CPE: variants seen among roughly 807,000 people sequenced by gnomAD.
The protein encoded by CPE is carboxypeptidase E.
In CPE, 17 loss-of-function variants were observed where a neutral mutation model predicts 53.5. That is an observed-to-expected ratio of 0.32 (90% CI 0.22 to 0.48). The LOEUF is 0.48. Ranked by LOEUF, CPE falls within the 20% of genes least tolerant of loss-of-function variation. CPE has a pLI of 0.99. For synonymous variants in CPE, 226 were observed against 228.8 expected (o/e 0.99, Z 0.11); for missense variants, 524 against 614.7 (o/e 0.85, Z 1.56).
chr4:165,485,114 C>G (rs907611096), intron 5 of CPE, among the ~76,000 whole-genome samples: 4 of 152,112 alleles, frequency 2.6e-5, no homozygotes, highest in Admixed American at 2.0e-4. Flanking sequence ...GATCAGGTAG[C>G]TTTTTGCCTT....
At chr4:165,468,280 T>A (rs1287153194) in intron 3 of CPE, among the ~76,000 whole-genome samples, 1 of 152,190 alleles carries the variant, frequency 6.6e-6, no homozygotes, top group Non-Finnish European at 1.5e-5. Context: ...TTTTTCCCTG[T>A]TTCTTCTACC....
chr4:165,422,112 T>C (rs1731233706), intron 1 of CPE, among the ~76,000 whole-genome samples: 1 of 152,142 alleles, frequency 6.6e-6, no homozygotes, highest in African/African-American at 2.4e-5. Flanking sequence ...TTAAAAGAAC[T>C]TAAAAATAAA....
intron 1 of CPE, among the ~76,000 whole-genome samples, chr4:165,431,522 A>G (rs1267537001): frequency 6.6e-6 from 1 of 152,190 alleles, no homozygotes; most frequent in Non-Finnish European, 1.5e-5. Context: ...GCAGGTGTGA[A>G]TAGCTCCCTT....
chr4:165,489,277 ATAATCTT>A (rs552682467), intron 6 of CPE, among the ~76,000 whole-genome samples: 118 of 152,298 alleles, frequency 7.7e-4, no homozygotes, highest in African/African-American at 2.6e-3. Flanking sequence ...TAAATATTTA[ATAATCTT>A]TAAATGTTTA....
chr4:165,455,631 A>G (rs1181646479), intron 1 of CPE, among the ~76,000 whole-genome samples: 1 of 151,620 alleles, frequency 6.6e-6, no homozygotes, highest in Non-Finnish European at 1.5e-5. Context: ...CTCACTTAAC[A>G]ATGTTCTTAA....
At chr4:165,417,290 T>A (rs544422829) in intron 1 of CPE, among the ~76,000 whole-genome samples, 115 of 152,298 alleles carry the variant, frequency 7.6e-4, no homozygotes, top group Non-Finnish European at 1.3e-3. Flanking sequence ...TATGAAAATA[T>A]TTGGACTAAG....
At chr4:165,482,463 T>G in intron 4 of CPE, 104 bp downstream of exon 4, 1 of 774,152 alleles carries the variant, frequency 1.3e-6, no homozygotes, top group Non-Finnish European at 2.2e-6. Flanking sequence ...GAACATTAAG[T>G]GATTTTTGCC....
chr4:165,397,918 G>C (rs1730797144), intron 1 of CPE, among the ~76,000 whole-genome samples: 1 of 151,562 alleles, frequency 6.6e-6, no homozygotes, highest in Non-Finnish European at 1.5e-5. Context: ...CAGGCATTGT[G>C]GTACATGCCT....
At chr4:165,428,364 T>G (rs1374265737) in intron 1 of CPE, among the ~76,000 whole-genome samples, 1 of 152,190 alleles carries the variant, frequency 6.6e-6, no homozygotes, top group Non-Finnish European at 1.5e-5. Context: ...TTTCTTAAAC[T>G]CCTTGTCAAG....
At chr4:165,461,184 A>AAAAAAAAAAAAAAAAAAAACAC in intron 1 of CPE, among the ~76,000 whole-genome samples, 1 of 106,788 alleles carries the variant, frequency 9.4e-6, no homozygotes, top group South Asian at 2.6e-4. Context: ...AAAAAAAAAA[A>AAAAAAAAAAAAAAAAAAAACAC]AAAGAAAGAA....
At chr4:165,482,770 T>A (rs1303610971) in intron 4 of CPE, among the ~76,000 whole-genome samples, 1 of 152,182 alleles carries the variant, frequency 6.6e-6, no homozygotes. Context: ...TACATGTGTC[T>A]TATTGTGTTG....
At chr4:165,413,294 A>G (rs9992011) in intron 1 of CPE, among the ~76,000 whole-genome samples, 43,669 of 152,108 alleles carry the variant, frequency 0.29, 6,426 homozygotes, top group Middle Eastern at 0.4. Context: ...CGGGCCTGGA[A>G]ACCATGTGAT....
At chr4:165,408,791 C>T (rs1446522531) in intron 1 of CPE, among the ~76,000 whole-genome samples, 2 of 152,148 alleles carry the variant, frequency 1.3e-5, no homozygotes, top group African/African-American at 2.4e-5. Flanking sequence ...TAATGCACTG[C>T]GATGGTTCCC....
At chr4:165,435,538 AT>A (rs1229798857) in intron 1 of CPE, among the ~76,000 whole-genome samples, 1 of 152,086 alleles carries the variant, frequency 6.6e-6, no homozygotes, top group Non-Finnish European at 1.5e-5. Flanking sequence ...GTAAAATAGA[AT>A]TTTTTCTGTG....
chr4:165,484,752 C>A, intron 5 of CPE, 148 bp downstream of exon 5: 1 of 760,332 alleles, frequency 1.3e-6, no homozygotes, highest in Non-Finnish European at 2.0e-6. Flanking sequence ...CCATTAAAGT[C>A]AACTTTTTGC....
At chr4:165,405,892 T>C (rs2126664614) in intron 1 of CPE, 1 of 735,876 alleles carries the variant, frequency 1.4e-6, no homozygotes, top group East Asian at 2.6e-5. Context: ...TGTTGCTATT[T>C]TATATTGGCA....
At chr4:165,442,933 A>G (rs926427057) in intron 1 of CPE, among the ~76,000 whole-genome samples, 1 of 152,212 alleles carries the variant, frequency 6.6e-6, no homozygotes, top group East Asian at 1.9e-4. Context: ...TTCAGAACCC[A>G]TGATCTAGGA....
Position 165,497,991 on chromosome 4 carries a change from A to G in CPE, c.*381A>G, listed in dbSNP as rs1732733595. On this transcript the variant is annotated 3_prime_UTR_variant, in exon 9 of 9. Coordinates refer to ENST00000402744, the MANE Select transcript of CPE (RefSeq NM_001873.4). ...AATTGGTGACAATGTCACATAATGA[A>G]TGCTATTGAAAAGGTTAACAGATAC... 6.5e-6 allele frequency: 1 copy of G among 153,028 alleles called. No homozygotes were observed. 9.5% of individuals were successfully genotyped at this position (153,028 alleles called of 1,614,324 possible).
At chr4:165,430,486 A>T (rs1340452358) in intron 1 of CPE, among the ~76,000 whole-genome samples, 1 of 152,182 alleles carries the variant, frequency 6.6e-6, no homozygotes, top group East Asian at 1.9e-4. Context: ...GAAAAGTTTT[A>T]TTAATTAAAA....
Sources: allele counts gnomAD v4.1 joint callset (sites outside exome capture counted in the v4.1 genomes callset), GRCh38; gene constraint gnomAD v4.1.1; transcripts MANE v1.5; gene names NCBI Gene and HGNC (gene_info 2026-07-23, HGNC 2026-07-21).